MTIF2: variants seen among roughly 807,000 people sequenced by gnomAD.
The protein encoded by MTIF2 is translation initiation factor IF-2, mitochondrial.
Under a neutral mutation model 83.5 loss-of-function variants are expected in MTIF2, and 71 were observed. The ratio of observed to expected loss-of-function variants is 0.85; its 90% CI spans 0.70 to 1.04. The LOEUF (loss-of-function observed/expected upper bound fraction) is 1.04. Among genes scored for constraint, MTIF2 ranks in the 50% least tolerant of loss-of-function variants. MTIF2 has a pLI of 0.00. For missense variants in MTIF2, 957 were observed against 846.5 expected (o/e 1.13, Z -1.62); for synonymous variants, 319 against 287.1 (o/e 1.11, Z -1.12).
intron 5 of MTIF2, among the ~76,000 whole-genome samples, chr2:55,260,368 C>G (rs1255706572): frequency 6.9e-6 from 1 of 145,002 alleles, no homozygotes; most frequent in South Asian, 2.2e-4. Flanking sequence ...CCATTGCACT[C>G]TAGCCTGGTT....
chr2:55,243,106 G>A (rs1255648520), intron 12 of MTIF2, 26 bp from the exon 13 acceptor site: 2 of 1,570,272 alleles, frequency 1.3e-6, no homozygotes, highest in Non-Finnish European at 1.7e-6. Context: ...GTTTATAATT[G>A]TTGCTTTTAA....
At chr2:55,262,730 G>GGT (rs1558581923) in intron 4 of MTIF2, among the ~76,000 whole-genome samples, 1 of 15,418 alleles carries the variant, frequency 6.5e-5, no homozygotes, top group Non-Finnish European at 3.4e-4. Flanking sequence ...TTTTTTTTTT[G>GGT]TTTTTTGTTT....
rs973085366 is a variant in MTIF2 at position 55,244,379 on chromosome 2, T to C, written c.1107-146A>G. 35 of 675,036 alleles carry C rather than the reference T, an allele frequency of 5.2e-5. No individual in the cohort carries two copies. In the African/African-American group the frequency reaches 6.2e-4, roughly 12 times the overall value. The allele number at this position is 675,036 out of a possible 1,614,324, so 41.8% of individuals were successfully genotyped here. A position where few individuals can be genotyped will look rare whatever the true frequency, so the allele number is the denominator to read the frequency against. ...TTAACTTAAGCAGTTTTTCATACTA[T>C]AAAAACATTTCAAAGCTGGGTGCAG... On this transcript the variant is annotated intron_variant, in intron 10 of 15. Coordinates refer to ENST00000263629, the MANE Select transcript of MTIF2 (RefSeq NM_002453.3).
intron 9 of MTIF2, among the ~76,000 whole-genome samples, chr2:55,248,448 G>GA (rs920172108): frequency 4.4e-4 from 66 of 150,852 alleles, no homozygotes; most frequent in Admixed American, 3.0e-3. Context: ...ATGATCAGGA[G>GA]AAAAAAAAGG....
chr2:55,246,569 C>G (rs910438607), intron 9 of MTIF2, 108 bp from the exon 10 acceptor site: 1 of 902,832 alleles, frequency 1.1e-6, no homozygotes, highest in South Asian at 1.8e-5. Context: ...TTATACTTTT[C>G]TCTTTAATCA....
At chr2:55,244,786 C>A (rs912970644) in intron 10 of MTIF2, among the ~76,000 whole-genome samples, 17 of 152,042 alleles carry the variant, frequency 1.1e-4, no homozygotes, top group Non-Finnish European at 2.2e-4. Context: ...GTGGCTCACA[C>A]CTGTAATCCC....
In MTIF2 at chr2:55,240,147, T is replaced by C; in HGVS notation, c.1734A>G (p.Ala578=). 1.2e-6 allele frequency: 2 copies of C among 1,613,902 alleles called. No individual in the cohort carries two copies. The highest frequency in any genetic ancestry group is 1.7e-6 in the Non-Finnish European group (2 of 1,179,816). ...DGVIYGFNVN[A]GNVIQQSAAK... ...CAGCTGACTGTTGGATAACATTGCCTGCATTCACATTAAAGCCATATATAA... is the reference window on the plus strand; with the variant it reads ...CAGCTGACTGTTGGATAACATTGCCCGCATTCACATTAAAGCCATATATAA... Residue 578 remains alanine (A), a synonymous_variant, in exon 14 of 16, where the codon GCA becomes GCG. Transcript: ENST00000263629.
Position 55,246,392 on chromosome 2 carries a change from G to A in MTIF2, c.1051C>T (p.Pro351Ser). ...ACTGTTCCTTCCACTGGACCATTGG[G>A]ATCTGCTTTCAATTCTAACATTTCT... ...LAEMLELKAD[P>S]NGPVEGTVIE... The change falls in exon 10 of 16, where the codon CCC becomes TCC. Residue 351 changes from proline to serine, a missense_variant. Pro to Ser is a moderately conservative substitution (Grantham distance 74). Around this residue, in one of 3 missense-constraint regions of MTIF2, gnomAD observed 733 missense variants for 648.7 expected, o/e 1.13. Transcript: ENST00000263629. 6.2e-7 allele frequency: 1 copy of A among 1,613,730 alleles called. No individual in the cohort carries two copies. Among genetic ancestry groups the A allele is most frequent in the Admixed American group, 1.7e-5 (1 of 59,996 alleles).
chr2:55,258,737 G>A (rs1573907634), intron 5 of MTIF2, among the ~76,000 whole-genome samples: 2 of 151,352 alleles, frequency 1.3e-5, no homozygotes, highest in South Asian at 2.1e-4. Flanking sequence ...GCTTGAACCC[G>A]GGAGACAGAT....
chr2:55,243,900 A>G (rs1470753575), intron 11 of MTIF2, 129 bp downstream of exon 11: 1 of 967,226 alleles, frequency 1.0e-6, no homozygotes, highest in African/African-American at 1.7e-5. Flanking sequence ...AAATAGCACA[A>G]CTTGCATCCT....
chr2:55,260,553 G>C (rs1173111064), intron 5 of MTIF2, among the ~76,000 whole-genome samples: 2 of 152,236 alleles, frequency 1.3e-5, no homozygotes, highest in African/African-American at 4.8e-5. Flanking sequence ...GAAAGATAAT[G>C]TGGTTGATGA....
chr2:55,243,548 G>T lies in MTIF2; in HGVS notation c.1432C>A (p.Arg478Ser), dbSNP rs778608709. 43 of 1,613,862 alleles carry T rather than the reference G, an allele frequency of 2.7e-5. No individual in the cohort carries two copies. Among genetic ancestry groups the T allele is most frequent in the Admixed American group, 5.0e-5 (3 of 59,966 alleles). ...CACAGTAGATGGCCATACTTCTCACGGGCTTTCTGATGTGCTTCTTTGTGT... is the reference window on the plus strand; with the variant it reads ...CACAGTAGATGGCCATACTTCTCACTGGCTTTCTGATGTGCTTCTTTGTGT... Reference protein sequence around the residue: ...KEHKEAHQKAREKYGHLLWKK... With the variant: ...KEHKEAHQKASEKYGHLLWKK... Residue 478 changes from arginine to serine, a missense_variant, in exon 12 of 16, where the codon CGT becomes AGT. Arg to Ser is a moderately radical substitution (Grantham distance 110). Around this residue, in one of 3 missense-constraint regions of MTIF2, gnomAD observed 733 missense variants for 648.7 expected, o/e 1.13. Transcript: ENST00000263629.
At position 55,263,844 on chromosome 2, in the gene MTIF2, T is replaced by C. The variant is rs754445349; in HGVS notation, c.15A>G (p.Leu5=). Residue 5 remains leucine (L), a synonymous_variant, in exon 4 of 16, where the codon CTA becomes CTG. Transcript: ENST00000263629. Reference sequence around the variant, plus strand: ...ATCGTAGCAAGTTCTCCAACTTCAGTAGCTTCTGGTTCATGTTTCTCCTGG... The same window carrying C: ...ATCGTAGCAAGTTCTCCAACTTCAGCAGCTTCTGGTTCATGTTTCTCCTGG... The part of the protein sequence containing the change: MNQK[L]LKLENLLRFH... 22 of 1,613,060 alleles carry C rather than the reference T, an allele frequency of 1.4e-5. No homozygotes were observed. The highest frequency in any genetic ancestry group is 1.8e-5 in the Non-Finnish European group (21 of 1,179,680).
intron 5 of MTIF2, among the ~76,000 whole-genome samples, chr2:55,261,421 C>T (rs889586005): frequency 1.3e-5 from 2 of 151,122 alleles, no homozygotes; most frequent in African/African-American, 4.9e-5. Flanking sequence ...GCCTGGCCAA[C>T]ATGGTGAAAC....
At chr2:55,245,462 G>T (rs1676628421) in intron 10 of MTIF2, among the ~76,000 whole-genome samples, 1 of 152,148 alleles carries the variant, frequency 6.6e-6, no homozygotes, top group Non-Finnish European at 1.5e-5. Flanking sequence ...ATTGGAGGTT[G>T]CAGTGAGCTG....
intron 3 of MTIF2, among the ~76,000 whole-genome samples, chr2:55,264,763 A>C (rs2104475030): frequency 6.6e-6 from 1 of 152,292 alleles, no homozygotes; most frequent in East Asian, 1.9e-4. Flanking sequence ...TTATTGAATA[A>C]TGCCTTTTGA....
intron 5 of MTIF2, among the ~76,000 whole-genome samples, chr2:55,257,264 A>G (rs2589099): frequency 0.98 from 149,018 of 152,276 alleles, 72,945 homozygotes; most frequent in African/African-American, 0.99. Context: ...CAGATCACCT[A>G]AGATGAGGAG....
At chr2:55,241,098 C>CG (rs1056233941) in intron 13 of MTIF2, among the ~76,000 whole-genome samples, 15 of 151,814 alleles carry the variant, frequency 9.9e-5, no homozygotes, top group African/African-American at 3.6e-4. Flanking sequence ...AAGCAAAACA[C>CG]TCTTGTCTTA....
chr2:55,243,404 T>A lies in MTIF2; in HGVS notation c.1564+12A>T. 6.3e-7 allele frequency: 1 copy of A among 1,585,126 alleles called. No individual in the cohort carries two copies. Among genetic ancestry groups the A allele is most frequent in the South Asian group, 1.2e-5 (1 of 86,954 alleles). ...AAGAATGAACTGTAATGTAAAATCTTTAAAAAGATACCTTTAATAATCACA... is the reference window on the plus strand; with the variant it reads ...AAGAATGAACTGTAATGTAAAATCTATAAAAAGATACCTTTAATAATCACA... On this transcript the variant is annotated intron_variant, in intron 12 of 15. Coordinates refer to ENST00000263629, the MANE Select transcript of MTIF2 (RefSeq NM_002453.3).
Sources: allele counts gnomAD v4.1 joint callset (sites outside exome capture counted in the v4.1 genomes callset), GRCh38; gene constraint gnomAD v4.1.1; regional missense constraint gnomAD v4.1.1; transcripts MANE v1.5; gene names NCBI Gene and HGNC (gene_info 2026-07-23, HGNC 2026-07-21).